ANXA3: variants seen among roughly 807,000 people sequenced by gnomAD.
The protein encoded by ANXA3 is annexin A3.
ANXA3 carries 46 observed loss-of-function variants against 48.8 expected under a neutral mutation model. That is an observed-to-expected ratio of 0.94 (90% CI 0.74 to 1.21). The LOEUF is 1.21. ANXA3 is among the 50% of genes most tolerant of loss of function. The probability of loss-of-function intolerance (pLI) is 0.00; values close to 1 mark genes in which losing one functional copy is unlikely to be tolerated. For missense variants in ANXA3, 383 were observed against 378.6 expected (o/e 1.01, Z -0.10); for synonymous variants, 128 against 134.7 (o/e 0.95, Z 0.35).
At chr4:78,579,569 T>G (rs1723032667) in intron 4 of ANXA3, among the ~76,000 whole-genome samples, 1 of 152,250 alleles carries the variant, frequency 6.6e-6, no homozygotes, top group African/African-American at 2.4e-5. Context: ...ACTAATTCTG[T>G]CTTAGGTAAC....
intron 3 of ANXA3, among the ~76,000 whole-genome samples, chr4:78,573,778 C>G (rs1722890916): frequency 6.6e-6 from 1 of 152,096 alleles, no homozygotes; most frequent in African/African-American, 2.4e-5. Context: ...GTAGTGCCAC[C>G]CCTTTTTACA....
chr4:78,567,817 TTCATAAA>T (rs1722762370), intron 2 of ANXA3, among the ~76,000 whole-genome samples: 1 of 152,248 alleles, frequency 6.6e-6, no homozygotes, highest in Non-Finnish European at 1.5e-5. Flanking sequence ...ACCTTTTGTC[TTCATAAA>T]TCTTTGTCCT....
At chr4:78,602,045 A>C (rs1723554330) in intron 11 of ANXA3, 1 of 152,698 alleles carries the variant, frequency 6.5e-6, no homozygotes, top group Non-Finnish European at 1.5e-5. Flanking sequence ...GTTCAAGACC[A>C]GCCTGGCCAG....
At chr4:78,577,945 C>T (rs1722989977) in intron 3 of ANXA3, among the ~76,000 whole-genome samples, 1 of 152,050 alleles carries the variant, frequency 6.6e-6, no homozygotes, top group Non-Finnish European at 1.5e-5. Context: ...CTGATGTTAC[C>T]TTTTGCTTAC....
At position 78,572,807 on chromosome 4, in the gene ANXA3, A is replaced by G. The variant is rs1187914645; in HGVS notation, c.16-373A>G. Among the ~76,000 whole-genome samples, 4 of 152,328 alleles carry G rather than the reference A, an allele frequency of 2.6e-5. No homozygotes were observed. In the East Asian group the frequency reaches 7.7e-4, roughly 29 times the overall value. On this transcript the variant is annotated intron_variant, in intron 2 of 12. Coordinates refer to ENST00000264908, the MANE Select transcript of ANXA3 (RefSeq NM_005139.3). ...ATGTAACTATGCCTGCATCTTAGTA[A>G]AATTCAGGCCCCTCTCATCCTCCTA...
intron 8 of ANXA3, 105 bp from the exon 9 acceptor site, chr4:78,595,689 A>AAAG: frequency 1.3e-6 from 1 of 782,704 alleles, no homozygotes; most frequent in Non-Finnish European, 2.1e-6. Context: ...AGAGATTTAG[A>AAAG]TAATAGATGA....
intron 11 of ANXA3, chr4:78,603,066 G>A (rs1723577088): frequency 6.6e-6 from 1 of 152,224 alleles, no homozygotes; most frequent in Non-Finnish European, 1.5e-5. Context: ...AGGCCAATTG[G>A]TTCCCTTTCA....
At chr4:78,565,862 A>G (rs545706862) in intron 2 of ANXA3, among the ~76,000 whole-genome samples, 40 of 152,338 alleles carry the variant, frequency 2.6e-4, no homozygotes, top group African/African-American at 9.6e-4. Context: ...GAGTTGATAT[A>G]GGAGATAATC....
intron 11 of ANXA3, chr4:78,602,681 T>C (rs912163106): frequency 6.6e-6 from 1 of 152,272 alleles, no homozygotes; most frequent in African/African-American, 2.4e-5. Context: ...CTTACCTCCA[T>C]CTCTTTACCA....
rs137938619 is a variant in ANXA3 at position 78,563,162 on chromosome 4, A to G, written c.15+8674A>G. ...GTTGGGATTATCGCTTTTTAAAAAA[A>G]CTCATAAATAACCCATAAAATAATG... On this transcript the variant is annotated intron_variant, in intron 2 of 12. Transcript: ENST00000264908. Among the ~76,000 whole-genome samples, 403 of 152,316 alleles carry G rather than the reference A, an allele frequency of 2.6e-3. 2 individuals are homozygous for G. Among genetic ancestry groups the G allele is most frequent in the African/African-American group, 8.6e-3 (357 of 41,570 alleles).
At chr4:78,583,110 A>T (rs1399582013) in intron 5 of ANXA3, among the ~76,000 whole-genome samples, 1 of 152,126 alleles carries the variant, frequency 6.6e-6, no homozygotes, top group Non-Finnish European at 1.5e-5. Flanking sequence ...AGGCCAAGGT[A>T]GGTAGATTGC....
Position 78,579,034 on chromosome 4 carries a change from T to C in ANXA3, c.111T>C (p.Asp37=), listed in dbSNP as rs899917618. 6 of 1,608,712 alleles carry C rather than the reference T, an allele frequency of 3.7e-6. No homozygotes were observed. The African/African-American group carries it at 6.7e-5, about 18-fold the overall frequency. Residue 37 remains aspartate, a synonymous_variant, in exon 4 of 13, where the codon GAT becomes GAC. Coordinates refer to ENST00000264908, the MANE Select transcript of ANXA3 (RefSeq NM_005139.3). ...AACTTTTGTTTCATTTAGGAACTGA[T>C]GAGAAAATGCTCATCAGCATTCTGA... ...IQKAIRGIGT[D]EKMLISILTE...
At chr4:78,589,297 T>C (rs989836711) in intron 6 of ANXA3, among the ~76,000 whole-genome samples, 2 of 152,222 alleles carry the variant, frequency 1.3e-5, no homozygotes, top group African/African-American at 2.4e-5. Context: ...TCAATTTCTA[T>C]GTGAGTAATG....
intron 9 of ANXA3, 161 bp from the exon 10 acceptor site, chr4:78,597,158 A>G (rs1290220456): frequency 1.1e-5 from 6 of 564,162 alleles, no homozygotes; most frequent in Non-Finnish European, 1.9e-5. Flanking sequence ...TTAAAAAGGA[A>G]CAAAAGAAAA....
At position 78,610,058 on chromosome 4, in the gene ANXA3, G is replaced by A. The variant is rs746463276; in HGVS notation, c.915G>A (p.Ser305=). Reference sequence around the variant, plus strand: ...TTCATTGATTTTATTCTTTGCAGTCGGATACTTCTGGAGACTATGAAATCA... The same window carrying A: ...TTCATTGATTTTATTCTTTGCAGTCAGATACTTCTGGAGACTATGAAATCA... ...YGYSLYSAIK[S]DTSGDYEITL... Residue 305 remains serine (S), a splice_region_variant and synonymous_variant, in exon 13 of 13, where the codon TCG becomes TCA. Coordinates refer to ENST00000264908, the MANE Select transcript of ANXA3 (RefSeq NM_005139.3). 1.7e-5 allele frequency: 28 copies of A among 1,603,686 alleles called. No homozygotes were observed. The highest frequency in any genetic ancestry group is 6.7e-5 in the Admixed American group (4 of 59,410).
Position 78,555,603 on chromosome 4 carries a change from C to T in ANXA3, c.15+1115C>T, listed in dbSNP as rs1454814515. Among the ~76,000 whole-genome samples, 6 of 151,670 alleles carry T rather than the reference C, an allele frequency of 4.0e-5. No homozygotes were observed. The South Asian group carries it at 6.2e-4, about 16-fold the overall frequency. On this transcript the variant is annotated intron_variant, in intron 2 of 12. Transcript: ENST00000264908. ...CCTATAATCCCAGCATTTTGGGAGGCCAAGATGGGAGGATCATTTGAGCCC... is the reference window on the plus strand; with the variant it reads ...CCTATAATCCCAGCATTTTGGGAGGTCAAGATGGGAGGATCATTTGAGCCC...
chr4:78,574,115 T>A (rs1164623339), intron 3 of ANXA3, among the ~76,000 whole-genome samples: 1 of 152,120 alleles, frequency 6.6e-6, no homozygotes, highest in African/African-American at 2.4e-5. Flanking sequence ...TCATAATAAA[T>A]CATTACAAAT....
At chr4:78,578,931 C>T in intron 3 of ANXA3, 96 bp from the exon 4 acceptor site, 1 of 533,520 alleles carries the variant, frequency 1.9e-6, no homozygotes, top group Non-Finnish European at 3.4e-6. Flanking sequence ...AAATGCCTTA[C>T]TCTCTGCATT....
intron 2 of ANXA3, among the ~76,000 whole-genome samples, chr4:78,570,634 A>T (rs1230841324): frequency 6.6e-6 from 1 of 152,234 alleles, no homozygotes; most frequent in African/African-American, 2.4e-5. Context: ...TTGCTTTTAA[A>T]TTCAGCCTCT....
Sources: gnomAD v4.1 joint callset for allele counts (sites outside exome capture counted in the v4.1 genomes callset) on GRCh38, gnomAD v4.1.1 for gene constraint, MANE v1.5 for transcripts, NCBI Gene and HGNC (gene_info 2026-07-23, HGNC 2026-07-21) for gene names.